Variants in AJAP1 observed in about 807,000 individuals in gnomAD.
AJAP1 encodes the protein adherens junctions associated protein 1, also known as adherens junction-associated protein 1.
AJAP1 carries 5 observed loss-of-function variants against 35.0 expected under a neutral mutation model. The observed-to-expected ratio is 0.14, with a 90% confidence interval of 0.07 to 0.30. The LOEUF is 0.30. Among genes scored for constraint, AJAP1 ranks in the 10% least tolerant of loss-of-function variants. The pLI is 1.00. For synonymous variants in AJAP1, 284 were observed against 249.3 expected (o/e 1.14, Z -1.31); for missense variants, 586 against 571.0 (o/e 1.03, Z -0.27).
In AJAP1 at chr1:4,781,035, C is replaced by T. The variant is rs563060079; in HGVS notation, c.*60-1510C>T. Among the ~76,000 whole-genome samples the T allele has an allele frequency of 7.2e-5, 11 of 152,282 alleles. 1 individual carries two copies. In the South Asian group the frequency reaches 2.3e-3, roughly 32 times the overall value. On this transcript the variant is annotated intron_variant, in intron 5 of 5. Coordinates refer to ENST00000378191, the MANE Select transcript of AJAP1 (RefSeq NM_018836.4). Reference sequence around the variant, plus strand: ...AGGGGTCCAGGGAAAGATCCAGCCCCTCACCTCTACCTTCAAATGAGTAGA... The same window carrying T: ...AGGGGTCCAGGGAAAGATCCAGCCCTTCACCTCTACCTTCAAATGAGTAGA...
In AJAP1 at chr1:4,693,396, G is replaced by T. The variant is rs1639788489; in HGVS notation, c.30-18504G>T. On this transcript the variant is annotated intron_variant, in intron 1 of 5. Coordinates refer to ENST00000378191, the MANE Select transcript of AJAP1 (RefSeq NM_018836.4). The surrounding 1 kb of genome is among the most constrained non-coding windows in gnomAD (Gnocchi z 4.4). ...TTCCTGGAGGCAGGGGGCGGGGGGA[G>T]GGATTGGAGGAGGCCTAAGCAGGAG... Among the ~76,000 whole-genome samples the T allele has an allele frequency of 7.2e-6, 1 of 138,178 alleles. No individual in the cohort carries two copies. The highest frequency in any genetic ancestry group is 7.1e-5 in the Admixed American group (1 of 13,996). The allele number at this position is 138,178 out of a possible 152,430, so 90.7% of individuals were successfully genotyped here.
intron 2 of AJAP1, among the ~76,000 whole-genome samples, chr1:4,719,858 G>A (rs2100280529): frequency 6.6e-6 from 1 of 152,258 alleles, no homozygotes. Flanking sequence ...TCCACAGTTG[G>A]CTGTCCTTGG....
At chr1:4,688,241 T>C (rs1026932644) in intron 1 of AJAP1, among the ~76,000 whole-genome samples, 7 of 152,012 alleles carry the variant, frequency 4.6e-5, no homozygotes, top group African/African-American at 1.7e-4. Context: ...GGCATTGGCA[T>C]GCGGGGGGAG....
chr1:4,719,446 A>G (rs190395854), intron 2 of AJAP1, among the ~76,000 whole-genome samples: 2 of 152,284 alleles, frequency 1.3e-5, no homozygotes, highest in East Asian at 1.9e-4. Flanking sequence ...CAATCGCCCA[A>G]TTGTTATTCT....
intron 2 of AJAP1, among the ~76,000 whole-genome samples, chr1:4,759,108 G>A (rs1641507748): frequency 6.6e-6 from 1 of 152,084 alleles, no homozygotes; most frequent in Non-Finnish European, 1.5e-5. Context: ...CCTTCTTTTT[G>A]GCCTGCTGGC....
intron 1 of AJAP1, among the ~76,000 whole-genome samples, chr1:4,707,576 A>G (rs764846993): frequency 3.6e-4 from 55 of 152,290 alleles, no homozygotes; most frequent in Non-Finnish European, 2.6e-4. Flanking sequence ...ACATTGTAGC[A>G]TAGATCAAGT....
At position 4,784,506 on chromosome 1, in the gene AJAP1, C is replaced by T. The variant is rs1008998843; in HGVS notation, c.*2021C>T. 6.6e-6 allele frequency: 1 copy of T among 152,198 alleles called. No individual in the cohort carries two copies. The highest frequency in any genetic ancestry group is 2.4e-5 in the African/African-American group (1 of 41,440). The allele number at this position is 152,198 out of a possible 1,614,324, so 9.4% of individuals were successfully genotyped here. ...CTGCCCTCAATGGCCAGGCTGATGA[C>T]CTGATTCTTCCCTTGGGCTCAGTCT... On this transcript the variant is annotated 3_prime_UTR_variant, in exon 6 of 6. Transcript: ENST00000378191.
chr1:4,758,208 G>A (rs1205508081), intron 2 of AJAP1, among the ~76,000 whole-genome samples: 5 of 152,080 alleles, frequency 3.3e-5, no homozygotes, highest in South Asian at 2.1e-4. Flanking sequence ...GTCTTTATCA[G>A]TGATGTGAGA....
At chr1:4,722,284 C>T (rs1210491647) in intron 2 of AJAP1, among the ~76,000 whole-genome samples, 2 of 152,192 alleles carry the variant, frequency 1.3e-5, no homozygotes, top group East Asian at 1.9e-4. Context: ...TTAGCAGCAC[C>T]GAGCCGCGGG....
intron 1 of AJAP1, among the ~76,000 whole-genome samples, chr1:4,661,114 A>G (rs1038590247): frequency 1.2e-4 from 18 of 152,196 alleles, no homozygotes; most frequent in Admixed American, 3.3e-4. Context: ...TTGGGGCTTT[A>G]TGATAAAAGA....
At chr1:4,778,957 G>A (rs1024093644) in intron 5 of AJAP1, among the ~76,000 whole-genome samples, 4 of 152,198 alleles carry the variant, frequency 2.6e-5, no homozygotes, top group African/African-American at 4.8e-5. Flanking sequence ...ATGAACCAGT[G>A]GTGAATGGGC....
chr1:4,761,378 C>G (rs749851976), intron 2 of AJAP1, among the ~76,000 whole-genome samples: 50 of 152,154 alleles, frequency 3.3e-4, no homozygotes, highest in Non-Finnish European at 5.7e-4. Flanking sequence ...TTCTCTAGTT[C>G]AGAGCAATCT....
In AJAP1 at chr1:4,723,468, G is replaced by A. The variant is rs116548904; in HGVS notation, c.829+10769G>A. Among the ~76,000 whole-genome samples, 3,280 of 152,198 alleles carry A rather than the reference G, an allele frequency of 0.022. 47 individuals are homozygous for A. Among genetic ancestry groups the A allele is most frequent in the Middle Eastern group, 0.041 (12 of 294 alleles). Reference sequence around the variant, plus strand: ...AGGGGAGAATGAAGGGGCAATTGGGGGTGATAAGGAAGAGCCCACCGGGAG... The same window carrying A: ...AGGGGAGAATGAAGGGGCAATTGGGAGTGATAAGGAAGAGCCCACCGGGAG... On this transcript the variant is annotated intron_variant, in intron 2 of 5. Coordinates refer to ENST00000378191, the MANE Select transcript of AJAP1 (RefSeq NM_018836.4). This position sits in a 1 kb window ranked among gnomAD's most constrained non-coding sequence, Gnocchi z 4.3.
chr1:4,772,659 A>C (rs1641863055), intron 4 of AJAP1, 134 bp downstream of exon 4: 3 of 1,313,480 alleles, frequency 2.3e-6, no homozygotes, highest in Non-Finnish European at 2.1e-6. Flanking sequence ...GGGCCCAGCC[A>C]AGGCGGACAG....
At chr1:4,746,852 A>G (rs1015723457) in intron 2 of AJAP1, among the ~76,000 whole-genome samples, 2 of 152,114 alleles carry the variant, frequency 1.3e-5, no homozygotes, top group Non-Finnish European at 2.9e-5. Flanking sequence ...TGGGACTTTC[A>G]TTGACAAGGC....
chr1:4,774,813 A>C (rs1641910746), intron 5 of AJAP1, among the ~76,000 whole-genome samples: 1 of 152,030 alleles, frequency 6.6e-6, no homozygotes, highest in Non-Finnish European at 1.5e-5. Context: ...CCACGTCCTC[A>C]CTATTCTTAT....
chr1:4,770,755 AAGAG>A (rs1229216120), intron 3 of AJAP1, among the ~76,000 whole-genome samples: 5 of 152,196 alleles, frequency 3.3e-5, no homozygotes, highest in African/African-American at 1.2e-4. Flanking sequence ...GAACACAAGA[AAGAG>A]AGAGAAAAAG....
chr1:4,771,765 G>A (rs1193492680), intron 3 of AJAP1, among the ~76,000 whole-genome samples: 1 of 152,158 alleles, frequency 6.6e-6, no homozygotes, highest in Non-Finnish European at 1.5e-5. Flanking sequence ...GCTTGTACAC[G>A]TGCCCCTGGG....
chr1:4,778,978 C>T (rs529335261), intron 5 of AJAP1, among the ~76,000 whole-genome samples: 222 of 152,330 alleles, frequency 1.5e-3, no homozygotes, highest in Non-Finnish European at 2.2e-3. Context: ...AGGAGACCCC[C>T]GTTCTCAGGA....
Sources: gnomAD v4.1 joint callset for allele counts (sites outside exome capture counted in the v4.1 genomes callset) on GRCh38, gnomAD v4.1.1 for gene constraint, Gnocchi (gnomAD v3.1) non-coding constraint, MANE v1.5 for transcripts, NCBI Gene and HGNC (gene_info 2026-07-23, HGNC 2026-07-21) for gene names.